The following PLXDC2 variants were observed in gnomAD, a reference collection of about 807,000 sequenced individuals.
PLXDC2 encodes the protein plexin domain containing 2.
Under a neutral mutation model 68.9 loss-of-function variants are expected in PLXDC2, and 40 were observed. The ratio of observed to expected loss-of-function variants is 0.58; its 90% CI spans 0.45 to 0.76. The LOEUF is 0.76. PLXDC2 is among the 30% of genes least tolerant of loss of function. The pLI, the probability that PLXDC2 is intolerant of heterozygous loss-of-function variation, is 0.00. For synonymous variants in PLXDC2, 243 were observed against 234.2 expected (o/e 1.04, Z -0.34); for missense variants, 644 against 661.9 (o/e 0.97, Z 0.30).
At chr10:20,138,435 T>C (rs1833960732) in intron 4 of PLXDC2, among the ~76,000 whole-genome samples, 1 of 152,210 alleles carries the variant, frequency 6.6e-6, no homozygotes, top group Non-Finnish European at 1.5e-5. Flanking sequence ...TTTGTAAGGC[T>C]GGACACATAA....
chr10:20,104,694 G>A, intron 4 of PLXDC2, among the ~76,000 whole-genome samples: 1 of 151,928 alleles, frequency 6.6e-6, no homozygotes. Context: ...TAAATGGGGG[G>A]AGAAAACACA....
intron 4 of PLXDC2, among the ~76,000 whole-genome samples, chr10:20,098,563 T>C (rs943476611): frequency 7.2e-5 from 11 of 152,144 alleles, no homozygotes; most frequent in Non-Finnish European, 1.2e-4. Context: ...GATTAAGACA[T>C]GAAGATGTTT....
In PLXDC2 at chr10:20,195,855, C is replaced by T. The variant is rs553827930; in HGVS notation, c.1062-15814C>T. On this transcript the variant is annotated intron_variant, in intron 9 of 13. Transcript: ENST00000377252. ...AAACACCAGAAGCCATTAAACTGAA[C>T]AGCACTGAACAAAATCTACTGGTGA... 5.3e-5 allele frequency among the ~76,000 whole-genome samples: 8 copies of T among 152,194 alleles called. 1 individual carries two copies. The South Asian group carries it at 1.4e-3, about 28-fold the overall frequency.
At chr10:19,871,897 A>C (rs999903338) in intron 1 of PLXDC2, among the ~76,000 whole-genome samples, 2 of 151,888 alleles carry the variant, frequency 1.3e-5, no homozygotes, top group African/African-American at 2.4e-5. Flanking sequence ...AAAAAAAAAA[A>C]AACACAAAAA....
intron 4 of PLXDC2, among the ~76,000 whole-genome samples, chr10:20,084,782 A>G (rs1013650077): frequency 6.6e-6 from 1 of 152,112 alleles, no homozygotes; most frequent in Non-Finnish European, 1.5e-5. Flanking sequence ...CTGATAGGAC[A>G]GTCACAAATT....
intron 9 of PLXDC2, among the ~76,000 whole-genome samples, chr10:20,211,294 C>CAA (rs112587151): frequency 6.6e-6 from 1 of 150,948 alleles, no homozygotes; most frequent in Non-Finnish European, 1.5e-5. Context: ...ACAATATTTG[C>CAA]AAAAAAAGTG....
intron 13 of PLXDC2, among the ~76,000 whole-genome samples, chr10:20,252,763 G>C (rs538393570): frequency 6.6e-6 from 1 of 152,194 alleles, no homozygotes; most frequent in Admixed American, 6.5e-5. Context: ...CCAGTGGGTG[G>C]AGACAGATGA....
intron 4 of PLXDC2, among the ~76,000 whole-genome samples, chr10:20,131,860 T>G (rs977021542): frequency 6.6e-6 from 1 of 152,172 alleles, no homozygotes; most frequent in African/African-American, 2.4e-5. Flanking sequence ...ATTTCCTTCC[T>G]TCTGCTAACT....
intron 4 of PLXDC2, among the ~76,000 whole-genome samples, chr10:20,072,733 T>C (rs574376014): frequency 1.3e-5 from 2 of 152,244 alleles, no homozygotes; most frequent in East Asian, 3.9e-4. Context: ...CTAGGATGGG[T>C]GCAGTGGGAA....
At chr10:19,886,739 A>G (rs986957793) in intron 1 of PLXDC2, among the ~76,000 whole-genome samples, 6 of 152,012 alleles carry the variant, frequency 3.9e-5, no homozygotes, top group Non-Finnish European at 5.9e-5. Context: ...CTCTCTCACC[A>G]CTCCTATTCA....
intron 13 of PLXDC2, among the ~76,000 whole-genome samples, chr10:20,274,716 A>G (rs541562110): frequency 6.6e-6 from 1 of 152,286 alleles, no homozygotes; most frequent in East Asian, 1.9e-4. Flanking sequence ...AAAGTGACCT[A>G]CATTTCATGA....
At position 19,910,781 on chromosome 10, in the gene PLXDC2, C is replaced by A. The variant is rs1242513790; in HGVS notation, c.113-90994C>A. On this transcript the variant is annotated intron_variant, in intron 1 of 13. Coordinates refer to ENST00000377252, the MANE Select transcript of PLXDC2 (RefSeq NM_032812.9). ...ATCCCAGCACTTTGGGAGGCCGAGG[C>A]AGGTGAATCATGAGGTCAGGCATCC... 2.0e-5 allele frequency among the ~76,000 whole-genome samples: 3 copies of A among 151,764 alleles called. No individual in the cohort carries two copies. The East Asian group carries it at 5.8e-4, about 29-fold the overall frequency.
rs561138413 is a variant in PLXDC2 at position 19,954,728 on chromosome 10, G to A, written c.113-47047G>A. On this transcript the variant is annotated intron_variant, in intron 1 of 13. Coordinates refer to ENST00000377252, the MANE Select transcript of PLXDC2 (RefSeq NM_032812.9). ...AGATTGCTCATATAGAGAACAAATA[G>A]GCATGATGAAATTGTTTCAAACTGG... 1.1e-3 allele frequency among the ~76,000 whole-genome samples: 161 copies of A among 152,266 alleles called. 1 individual carries two copies. Among genetic ancestry groups the A allele is most frequent in the African/African-American group, 3.8e-3 (158 of 41,550 alleles).
chr10:19,914,969 G>T (rs767983217), intron 1 of PLXDC2, among the ~76,000 whole-genome samples: 1 of 152,048 alleles, frequency 6.6e-6, no homozygotes, highest in African/African-American at 2.4e-5. Context: ...ATTGGTGTTT[G>T]TATGACACAT....
At chr10:20,129,765 G>C (rs186057967) in intron 4 of PLXDC2, among the ~76,000 whole-genome samples, 19 of 152,130 alleles carry the variant, frequency 1.2e-4, no homozygotes, top group Non-Finnish European at 2.4e-4. Context: ...TTATTAAAGA[G>C]ACTACCTTTT....
chr10:20,123,759 G>A (rs1370748938), intron 4 of PLXDC2, among the ~76,000 whole-genome samples: 3 of 151,846 alleles, frequency 2.0e-5, no homozygotes, highest in African/African-American at 7.3e-5. Flanking sequence ...TACGAGGTCA[G>A]GGCACGGAAA....
At chr10:20,120,844 G>A (rs1005287849) in intron 4 of PLXDC2, among the ~76,000 whole-genome samples, 6 of 152,158 alleles carry the variant, frequency 3.9e-5, no homozygotes, top group African/African-American at 1.2e-4. Context: ...TCTAAGAGGC[G>A]GGCTAGTGGC....
intron 1 of PLXDC2, among the ~76,000 whole-genome samples, chr10:19,927,713 C>CAAAAAAAAAAAAAAAAA (rs35250324): frequency 4.9e-4 from 26 of 53,144 alleles, no homozygotes; most frequent in African/African-American, 7.9e-4. Flanking sequence ...GGAAAAAAAG[C>CAAAAAAAAAAAAAAAAA]AAAAAAAAAA....
intron 12 of PLXDC2, among the ~76,000 whole-genome samples, chr10:20,230,059 A>G (rs902590529): frequency 6.6e-6 from 1 of 152,232 alleles, no homozygotes; most frequent in Admixed American, 6.5e-5. Flanking sequence ...AACACAAAGA[A>G]AATGAATAGC....
Sources: gnomAD v4.1 joint callset for allele counts (sites outside exome capture counted in the v4.1 genomes callset) on GRCh38, gnomAD v4.1.1 for gene constraint, MANE v1.5 for transcripts, NCBI Gene and HGNC (gene_info 2026-07-23, HGNC 2026-07-21) for gene names.